Variants in BEND6 observed in about 807,000 individuals in gnomAD.
The protein encoded by BEND6 is BEN domain-containing protein 6.
In BEND6, 24 loss-of-function variants were observed where a neutral mutation model predicts 31.8. The observed-to-expected ratio is 0.75, with a 90% CI of 0.55 to 1.06. The LOEUF is 1.06. Among genes scored for constraint, BEND6 ranks in the 50% least tolerant of loss-of-function variants. The pLI is 0.00. For missense variants in BEND6, 294 were observed against 327.4 expected (o/e 0.90, Z 0.79); for synonymous variants, 109 against 114.6 (o/e 0.95, Z 0.31).
At chr6:57,014,574 C>G in intron 3 of BEND6, 1 of 1,319,380 alleles carries the variant, frequency 7.6e-7, no homozygotes, top group East Asian at 2.7e-5. Context: ...CCATTGATTA[C>G]CAAAATTCAT....
At chr6:57,000,603 A>G (rs1297691864) in intron 3 of BEND6, among the ~76,000 whole-genome samples, 3 of 151,344 alleles carry the variant, frequency 2.0e-5, no homozygotes, top group Non-Finnish European at 4.4e-5. Flanking sequence ...AAAAAACCAT[A>G]AATAACAAGA....
chr6:57,016,237 A>T (rs1300229837), intron 4 of BEND6, among the ~76,000 whole-genome samples: 1 of 152,226 alleles, frequency 6.6e-6, no homozygotes, highest in Non-Finnish European at 1.5e-5. Flanking sequence ...TAAGTATACC[A>T]TCAAAAATGA....
chr6:57,016,062 G>A (rs1184426347), intron 4 of BEND6, among the ~76,000 whole-genome samples: 2 of 152,120 alleles, frequency 1.3e-5, no homozygotes, highest in Non-Finnish European at 2.9e-5. Flanking sequence ...TCATACCAGT[G>A]ACAGAAGGAT....
intron 2 of BEND6, among the ~76,000 whole-genome samples, chr6:56,988,087 G>T (rs1036489765): frequency 1.3e-5 from 2 of 150,798 alleles, no homozygotes; most frequent in Non-Finnish European, 2.9e-5. Context: ...CATGATCTCG[G>T]CTCATTACAA....
chr6:56,978,384 A>AT (rs1225734929), intron 1 of BEND6, among the ~76,000 whole-genome samples: 1 of 152,046 alleles, frequency 6.6e-6, no homozygotes, highest in African/African-American at 2.4e-5. Context: ...TTTTTAAAAC[A>AT]TTTTTCCCCT....
At chr6:57,012,825 T>C (rs984159928) in intron 3 of BEND6, among the ~76,000 whole-genome samples, 9 of 152,222 alleles carry the variant, frequency 5.9e-5, no homozygotes, top group Non-Finnish European at 1.3e-4. Context: ...AATATTCTTG[T>C]AGTCCCACTT....
rs1042393218 is a variant in BEND6 at position 57,026,756 on chromosome 6, C to T, written c.*684C>T. On this transcript the variant is annotated 3_prime_UTR_variant, in exon 7 of 7. Coordinates refer to ENST00000370746, the MANE Select transcript of BEND6 (RefSeq NM_152731.3). The stretch of plus-strand genomic sequence containing the variant: ...TTCCACCACACTTCTGAAGAATAAA[C>T]CTAAGTTTTTGTGATTGTTAAAACA... 9.9e-5 allele frequency: 15 copies of T among 152,084 alleles called. No individual in the cohort carries two copies. Among genetic ancestry groups the T allele is most frequent in the African/African-American group, 1.4e-4 (6 of 41,414 alleles). 9.4% of individuals were successfully genotyped at this position (152,084 alleles called of 1,614,324 possible).
At chr6:56,992,583 G>A in intron 3 of BEND6, 28 bp downstream of exon 3, 1 of 1,590,948 alleles carries the variant, frequency 6.3e-7, no homozygotes, top group Non-Finnish European at 8.5e-7. Context: ...TGACATTTTA[G>A]ATAAAAGGGA....
chr6:56,958,146 A>G (rs1337219790), intron 1 of BEND6, among the ~76,000 whole-genome samples: 1 of 152,212 alleles, frequency 6.6e-6, no homozygotes, highest in Non-Finnish European at 1.5e-5. Flanking sequence ...TAAGGCGTTC[A>G]GCATGTGTGA....
chr6:56,972,413 A>C (rs1417101441), intron 1 of BEND6, among the ~76,000 whole-genome samples: 1 of 152,064 alleles, frequency 6.6e-6, no homozygotes, highest in Non-Finnish European at 1.5e-5. Context: ...TTTCCTTATA[A>C]GAATTTTATA....
At chr6:56,962,299 A>G (rs1825319191) in intron 1 of BEND6, among the ~76,000 whole-genome samples, 1 of 152,178 alleles carries the variant, frequency 6.6e-6, no homozygotes, top group South Asian at 2.1e-4. Flanking sequence ...CACTCTTGCC[A>G]TATTTGTGGA....
At chr6:57,021,554 T>C (rs759382488) in intron 6 of BEND6, among the ~76,000 whole-genome samples, 3 of 152,130 alleles carry the variant, frequency 2.0e-5, no homozygotes, top group East Asian at 1.9e-4. Context: ...TTCTTTCTTA[T>C]TCCTGTGGCT....
intron 3 of BEND6, among the ~76,000 whole-genome samples, chr6:56,996,719 A>G (rs1349041964): frequency 6.6e-6 from 1 of 152,160 alleles, no homozygotes; most frequent in African/African-American, 2.4e-5. Flanking sequence ...TTCTGTATTT[A>G]TTTTACACCC....
At chr6:56,982,025 ATTAT>A (rs1224941040) in intron 2 of BEND6, 95 bp downstream of exon 2, 17 of 1,277,216 alleles carry the variant, frequency 1.3e-5, no homozygotes, top group African/African-American at 1.5e-5. Flanking sequence ...TCCCTCTTCT[ATTAT>A]TTAATTCTTT....
chr6:56,989,837 C>T (rs887208423), intron 2 of BEND6, among the ~76,000 whole-genome samples: 8 of 152,072 alleles, frequency 5.3e-5, no homozygotes, highest in African/African-American at 1.9e-4. Context: ...TTGCAAATAT[C>T]CACCAGTTGT....
At chr6:57,007,834 C>T (rs911708445) in intron 3 of BEND6, among the ~76,000 whole-genome samples, 3 of 151,946 alleles carry the variant, frequency 2.0e-5, no homozygotes, top group Non-Finnish European at 2.9e-5. Flanking sequence ...ACTTTGTTCC[C>T]GGAACCAAGC....
At chr6:57,026,052 T>C (rs1458861150) in intron 6 of BEND6, 30 bp from the exon 7 acceptor site, 6 of 152,174 alleles carry the variant, frequency 3.9e-5, no homozygotes, top group African/African-American at 1.2e-4. Context: ...TAACATAAAT[T>C]TGTATTTCTT....
At chr6:56,970,631 A>G (rs1825659904) in intron 1 of BEND6, among the ~76,000 whole-genome samples, 1 of 152,356 alleles carries the variant, frequency 6.6e-6, no homozygotes, top group South Asian at 2.1e-4. Flanking sequence ...ACTACCTATC[A>G]GAAACTGGTA....
At chr6:56,964,386 T>C (rs984862413) in intron 1 of BEND6, among the ~76,000 whole-genome samples, 5 of 152,222 alleles carry the variant, frequency 3.3e-5, no homozygotes, top group African/African-American at 9.7e-5. Flanking sequence ...AGGATGTACA[T>C]TTGCCCAAGG....
Sources: gnomAD v4.1 joint callset for allele counts (sites outside exome capture counted in the v4.1 genomes callset) on GRCh38, gnomAD v4.1.1 for gene constraint, MANE v1.5 for transcripts, NCBI Gene and HGNC (gene_info 2026-07-23, HGNC 2026-07-21) for gene names.